The following TRAPPC9 variants were observed in gnomAD, a reference collection of about 807,000 sequenced individuals.
TRAPPC9 encodes IKK2 binding protein.
TRAPPC9 carries 83 observed loss-of-function variants against 124.0 expected under a neutral mutation model. The ratio of observed to expected loss-of-function variants is 0.67; its 90% CI spans 0.56 to 0.80. The LOEUF (loss-of-function observed/expected upper bound fraction) is 0.80. Ranked by LOEUF, TRAPPC9 falls within the 30% of genes least tolerant of loss-of-function variation. The pLI, the probability that TRAPPC9 is intolerant of heterozygous loss-of-function variation, is 0.00. For missense variants in TRAPPC9, 1,302 were observed against 1,508.3 expected, an observed-to-expected ratio of 0.86 and a Z score of 2.27; for synonymous variants, 638 against 617.5, an observed-to-expected ratio of 1.03 and a Z score of -0.49.
intron 21 of TRAPPC9, among the ~76,000 whole-genome samples, chr8:139,796,122 G>A (rs1823068162): frequency 6.7e-6 from 1 of 150,052 alleles, no homozygotes; most frequent in African/African-American, 2.4e-5. Context: ...GAGGAGGGAG[G>A]AGGAAGAGGA....
At chr8:139,966,292 T>A (rs965701299) in intron 19 of TRAPPC9, among the ~76,000 whole-genome samples, 1 of 151,826 alleles carries the variant, frequency 6.6e-6, no homozygotes, top group Non-Finnish European at 1.5e-5. Flanking sequence ...GCACACGGAG[T>A]GGTGGGAAAC....
intron 16 of TRAPPC9, among the ~76,000 whole-genome samples, chr8:140,246,959 C>T (rs1013717098): frequency 2.6e-5 from 4 of 151,856 alleles, no homozygotes; most frequent in Non-Finnish European, 5.9e-5. Context: ...CACTCTAGCC[C>T]GGGCGATAGA....
intron 20 of TRAPPC9, among the ~76,000 whole-genome samples, chr8:139,901,069 A>G (rs558039585): frequency 6.6e-6 from 1 of 152,348 alleles, no homozygotes; most frequent in East Asian, 1.9e-4. Flanking sequence ...GTTAGTATCC[A>G]AAGTCTACAG....
At chr8:140,272,391 T>G (rs1395314360) in intron 15 of TRAPPC9, among the ~76,000 whole-genome samples, 7 of 138,908 alleles carry the variant, frequency 5.0e-5, no homozygotes, top group Non-Finnish European at 9.3e-5. Context: ...ATGATGGTGA[T>G]GGTGGCGATG....
chr8:139,857,282 C>A (rs960126530), intron 21 of TRAPPC9, among the ~76,000 whole-genome samples: 11 of 152,176 alleles, frequency 7.2e-5, no homozygotes, highest in Non-Finnish European at 1.2e-4. Flanking sequence ...TGGTTTGTAT[C>A]TTGAGGATAA....
In TRAPPC9 at chr8:140,234,062, T is replaced by C. The variant is rs138822568; in HGVS notation, c.2432-12479A>G. Reference sequence around the variant, plus strand: ...ATTAAATACAATTAATAATGAGTCATTGAGATCAGGGGTCCCCAACCCCCA... The same window carrying C: ...ATTAAATACAATTAATAATGAGTCACTGAGATCAGGGGTCCCCAACCCCCA... On this transcript the variant is annotated intron_variant, in intron 16 of 22. Transcript: ENST00000438773. Among the ~76,000 whole-genome samples the C allele has an allele frequency of 6.4e-3, 974 of 152,260 alleles. 12 individuals are homozygous for C. Among genetic ancestry groups the C allele is most frequent in the African/African-American group, 0.023 (937 of 41,552 alleles).
intron 17 of TRAPPC9, among the ~76,000 whole-genome samples, chr8:140,049,472 T>A (rs1841835799): frequency 6.6e-6 from 1 of 152,082 alleles, no homozygotes; most frequent in Non-Finnish European, 1.5e-5. Context: ...CTGTGGACAC[T>A]GCGGGAAGAG....
chr8:139,808,287 T>C (rs1323289409), intron 21 of TRAPPC9, among the ~76,000 whole-genome samples: 3 of 152,092 alleles, frequency 2.0e-5, no homozygotes, highest in African/African-American at 7.2e-5. Context: ...GGAGAAACCC[T>C]GTCCCTACTA....
intron 17 of TRAPPC9, among the ~76,000 whole-genome samples, chr8:140,199,173 T>C (rs2062731122): frequency 6.6e-6 from 1 of 152,022 alleles, no homozygotes; most frequent in East Asian, 1.9e-4. Context: ...TGAACATGCA[T>C]TTGAGTCACC....
chr8:140,102,186 TG>T (rs1302966498), intron 17 of TRAPPC9, among the ~76,000 whole-genome samples: 1 of 152,236 alleles, frequency 6.6e-6, no homozygotes, highest in Non-Finnish European at 1.5e-5. Context: ...ATGTGGTATT[TG>T]GGGTTGTTGC....
At chr8:140,378,238 G>C (rs983580140) in intron 7 of TRAPPC9, among the ~76,000 whole-genome samples, 1 of 152,072 alleles carries the variant, frequency 6.6e-6, no homozygotes, top group Admixed American at 6.6e-5. Flanking sequence ...AACTTGATGG[G>C]ACTGAAGGAT....
chr8:140,334,556 A>C (rs1026528554), intron 9 of TRAPPC9, among the ~76,000 whole-genome samples: 1 of 152,052 alleles, frequency 6.6e-6, no homozygotes, highest in Non-Finnish European at 1.5e-5. Flanking sequence ...AGGCTGAGGC[A>C]GGAGAATCGC....
intron 19 of TRAPPC9, among the ~76,000 whole-genome samples, chr8:139,956,083 C>G (rs566954303): frequency 1.3e-5 from 2 of 152,174 alleles, no homozygotes; most frequent in African/African-American, 4.8e-5. Flanking sequence ...CGATGCTCCT[C>G]GTTCGAAACA....
intron 17 of TRAPPC9, among the ~76,000 whole-genome samples, chr8:140,164,327 G>C (rs1002359437): frequency 6.6e-6 from 1 of 152,184 alleles, no homozygotes; most frequent in Non-Finnish European, 1.5e-5. Flanking sequence ...TTCCTAAGTC[G>C]TCAACAAATC....
At position 139,907,415 on chromosome 8, in the gene TRAPPC9, A is replaced by G. The variant is rs1587166791; in HGVS notation, c.2964+2732T>C. ...CATAATGAAATTATTAGCCAATTCAATCTTTGGTCTTTCCATCTGCTTGAA... is the reference window on the plus strand; with the variant it reads ...CATAATGAAATTATTAGCCAATTCAGTCTTTGGTCTTTCCATCTGCTTGAA... On this transcript the variant is annotated intron_variant, in intron 20 of 22. Transcript: ENST00000438773. This position sits in a 1 kb window ranked among gnomAD's most constrained non-coding sequence, Gnocchi z 4.7. Among the ~76,000 whole-genome samples, 2 of 152,012 alleles carry G rather than the reference A, an allele frequency of 1.3e-5. No individual in the cohort carries two copies. The highest frequency in any genetic ancestry group is 1.3e-4 in the Admixed American group (2 of 15,276).
intron 11 of TRAPPC9, among the ~76,000 whole-genome samples, chr8:140,298,194 T>C (rs1343165411): frequency 6.6e-6 from 1 of 152,242 alleles, no homozygotes; most frequent in Non-Finnish European, 1.5e-5. Flanking sequence ...TGAGTACTCC[T>C]ACCCTAGTTA....
At chr8:140,142,804 T>C (rs1056696096) in intron 17 of TRAPPC9, among the ~76,000 whole-genome samples, 1 of 152,240 alleles carries the variant, frequency 6.6e-6, no homozygotes, top group Non-Finnish European at 1.5e-5. Flanking sequence ...CAAACCTTCA[T>C]TTCTTCATTT....
chr8:139,851,635 G>A (rs983306261), intron 21 of TRAPPC9, among the ~76,000 whole-genome samples: 1 of 152,216 alleles, frequency 6.6e-6, no homozygotes, highest in South Asian at 2.1e-4. Context: ...ATCCTGGAGA[G>A]TGCCGGAAAA....
chr8:140,159,431 C>T (rs1337453309), intron 17 of TRAPPC9, among the ~76,000 whole-genome samples: 1 of 152,172 alleles, frequency 6.6e-6, no homozygotes, highest in East Asian at 1.9e-4. Context: ...TCCCACTGCT[C>T]TCCAACTCCT....
Sources: gnomAD v4.1 joint callset for allele counts (sites outside exome capture counted in the v4.1 genomes callset) on GRCh38, gnomAD v4.1.1 for gene constraint, Gnocchi (gnomAD v3.1) non-coding constraint, MANE v1.5 for transcripts, NCBI Gene and HGNC (gene_info 2026-07-23, HGNC 2026-07-21) for gene names.